The following ACAT2 variants were observed in gnomAD, a reference collection of about 807,000 sequenced individuals.
ACAT2 encodes acetyl-CoA acetyltransferase 2.
ACAT2 carries 26 observed loss-of-function variants against 37.1 expected under a neutral mutation model. That is an observed-to-expected ratio of 0.70 (90% confidence interval 0.51 to 0.97). The LOEUF is 0.97. Ranked by LOEUF, ACAT2 falls within the 50% of genes least tolerant of loss-of-function variation. The pLI, the probability that ACAT2 is intolerant of heterozygous loss-of-function variation, is 0.00. For missense variants in ACAT2, 468 were observed against 489.0 expected, an observed-to-expected ratio of 0.96 and a Z score of 0.40; for synonymous variants, 156 against 163.6, an observed-to-expected ratio of 0.95 and a Z score of 0.35.
chr6:159,762,287 C>G lies in ACAT2; in HGVS notation c.55+145C>G, dbSNP rs549791173. ...CGAGGAGCCGCGGGATCCCTGGAACCCTGCGGCTCCCGCGTTCCCTGACCT... is the reference window on the plus strand; with the variant it reads ...CGAGGAGCCGCGGGATCCCTGGAACGCTGCGGCTCCCGCGTTCCCTGACCT... On this transcript the variant is annotated intron_variant, in intron 1 of 8. Transcript: ENST00000367048. 9 of 1,247,624 alleles carry G rather than the reference C, an allele frequency of 7.2e-6. No individual in the cohort carries two copies. In the South Asian group the frequency reaches 7.7e-5, roughly 11 times the overall value. The allele number at this position is 1,247,624 out of a possible 1,614,324, so 77.3% of individuals were successfully genotyped here. A position where few individuals can be genotyped will look rare whatever the true frequency, so the allele number is the denominator to read the frequency against.
chr6:159,762,446 G>C, intron 1 of ACAT2: 6 of 1,349,628 alleles, frequency 4.4e-6, no homozygotes, highest in Non-Finnish European at 5.7e-6. Context: ...CTCCTCCGGG[G>C]CCCCTGATTG....
chr6:159,762,656 C>G (rs1406761006), intron 1 of ACAT2: 1 of 1,457,890 alleles, frequency 6.9e-7, no homozygotes. Context: ...GCATCCAGTC[C>G]TTCGGATTTG....
chr6:159,773,338 CAA>C (rs1780366670), intron 4 of ACAT2, among the ~76,000 whole-genome samples: 2 of 152,188 alleles, frequency 1.3e-5, no homozygotes, highest in South Asian at 4.2e-4. Flanking sequence ...GACCTAGAAA[CAA>C]TGACAAACCA....
At chr6:159,777,163 TAA>T (rs1235566317) in intron 6 of ACAT2, 137 bp from the exon 7 acceptor site, 3 of 978,848 alleles carry the variant, frequency 3.1e-6, no homozygotes, top group Non-Finnish European at 4.6e-6. Flanking sequence ...AATTTCTATG[TAA>T]AGTCTGTTGA....
At position 159,762,051 on chromosome 6, in the gene ACAT2, CA is replaced by C. The variant is rs1780147355; in HGVS notation, c.-36del. Reference sequence around the variant, plus strand: ...GCGAGGAGGAGCTTTGCCTAGCTTGCAGGCAGCGCAGGGCAGACGGCGGCAG... The same window carrying C: ...GCGAGGAGGAGCTTTGCCTAGCTTGCGGCAGCGCAGGGCAGACGGCGGCAG... On this transcript the variant is annotated 5_prime_UTR_variant, in exon 1 of 9. Coordinates refer to ENST00000367048, the MANE Select transcript of ACAT2 (RefSeq NM_005891.3). 6.2e-7 allele frequency: 1 copy of C among 1,609,220 alleles called. No homozygotes were observed. Among genetic ancestry groups the C allele is most frequent in the African/African-American group, 1.3e-5 (1 of 74,786 alleles).
At chr6:159,777,894 C>A (rs1245306143) in intron 7 of ACAT2, among the ~76,000 whole-genome samples, 1 of 152,154 alleles carries the variant, frequency 6.6e-6, no homozygotes, top group Non-Finnish European at 1.5e-5. Context: ...GATTCTGTTA[C>A]ATTAGCCTTA....
intron 1 of ACAT2, chr6:159,762,476 A>G: frequency 7.6e-7 from 1 of 1,319,230 alleles, no homozygotes; most frequent in Non-Finnish European, 9.7e-7. Flanking sequence ...GGGAGGCGCC[A>G]TCGGTAATGC....
chr6:159,770,312 C>T (rs1240647709), intron 4 of ACAT2, among the ~76,000 whole-genome samples: 3 of 152,030 alleles, frequency 2.0e-5, no homozygotes, highest in East Asian at 3.9e-4. Context: ...GGAAAAAAAC[C>T]ACAACAGTCA....
At position 159,778,887 on chromosome 6, in the gene ACAT2, C is replaced by T; in HGVS notation, c.*58C>T. The T allele has an allele frequency of 1.2e-6, 2 of 1,605,228 alleles. No homozygotes were observed. The highest frequency in any genetic ancestry group is 1.3e-5 in the African/African-American group (1 of 74,824). On this transcript the variant is annotated 3_prime_UTR_variant, in exon 9 of 9. Coordinates refer to ENST00000367048, the MANE Select transcript of ACAT2 (RefSeq NM_005891.3). ...TTTAAACTAATAAAGTACTAGGTTG[C>T]AATATGTGAAATCAGAGGACCAAAG...
At chr6:159,769,079 A>G (rs1780297966) in intron 4 of ACAT2, among the ~76,000 whole-genome samples, 1 of 152,260 alleles carries the variant, frequency 6.6e-6, no homozygotes, top group African/African-American at 2.4e-5. Context: ...GTAAAACTTA[A>G]GAAACAGAAT....
intron 1 of ACAT2, chr6:159,762,480 G>C (rs553192279): frequency 1.3e-5 from 17 of 1,319,540 alleles, no homozygotes; most frequent in Non-Finnish European, 1.7e-5. Flanking sequence ...GGCGCCATCG[G>C]TAATGCCTGC....
chr6:159,769,424 C>T (rs79194214), intron 4 of ACAT2, among the ~76,000 whole-genome samples: 3 of 152,242 alleles, frequency 2.0e-5, no homozygotes, highest in Non-Finnish European at 2.9e-5. Context: ...ATTCAGATCC[C>T]GAGCCCTTTC....
intron 2 of ACAT2, among the ~76,000 whole-genome samples, chr6:159,763,398 A>G (rs1038962214): frequency 3.3e-5 from 5 of 151,954 alleles, no homozygotes; most frequent in African/African-American, 1.2e-4. Context: ...ACAAAAAATA[A>G]AATAGCCAGG....
chr6:159,773,519 C>A (rs776173640), intron 4 of ACAT2, among the ~76,000 whole-genome samples: 10 of 152,196 alleles, frequency 6.6e-5, no homozygotes, highest in Non-Finnish European at 1.2e-4. Flanking sequence ...GCCTACGGGG[C>A]TTCCACTTTC....
At chr6:159,763,134 ACT>A in intron 2 of ACAT2, 81 bp downstream of exon 2, 1 of 1,502,958 alleles carries the variant, frequency 6.7e-7, no homozygotes, top group Middle Eastern at 2.0e-4. Flanking sequence ...ACTCTCACAC[ACT>A]CACACACTCT....
intron 4 of ACAT2, among the ~76,000 whole-genome samples, chr6:159,771,913 C>A (rs1472158773): frequency 6.6e-6 from 1 of 152,200 alleles, no homozygotes; most frequent in Admixed American, 6.5e-5. Flanking sequence ...AGTGACACAA[C>A]AACAACAACA....
chr6:159,765,842 GA>G (rs1236579541), intron 2 of ACAT2, among the ~76,000 whole-genome samples: 3 of 152,176 alleles, frequency 2.0e-5, no homozygotes, highest in African/African-American at 7.2e-5. Context: ...ATCCCAGATT[GA>G]TAACATTGTG....
chr6:159,776,365 A>G, intron 6 of ACAT2, 93 bp downstream of exon 6: 1 of 1,424,694 alleles, frequency 7.0e-7, no homozygotes, highest in Non-Finnish European at 9.3e-7. Flanking sequence ...CAAAAGTACT[A>G]TTTTTTGGGA....
At position 159,762,142 on chromosome 6, in the gene ACAT2, G is replaced by A; in HGVS notation, c.55G>A (p.Gly19Ser). 1 of 1,611,502 alleles carries A rather than the reference G, an allele frequency of 6.2e-7. No homozygotes were observed. The highest frequency in any genetic ancestry group is 8.5e-7 in the Non-Finnish European group (1 of 1,178,938). The change falls in exon 1 of 9, where the codon GGT becomes AGT. Residue 19 changes from glycine to serine, a missense_variant and splice_region_variant. Physicochemically the swap from Gly to Ser is moderately conservative, Grantham distance 56. Transcript: ENST00000367048. ...CGTCTCGGCGGCGCGGACCATCATA[G>A]GTGAGTGGCCGGCGGGAGCCGCGCA... The part of the protein sequence containing the change: ...VIVSAARTII[G>S]SFNGALAAVP...
Sources: allele counts gnomAD v4.1 joint callset (sites outside exome capture counted in the v4.1 genomes callset), GRCh38; gene constraint gnomAD v4.1.1; transcripts MANE v1.5; gene names NCBI Gene and HGNC (gene_info 2026-07-23, HGNC 2026-07-21).